Variants in ISM1 observed in about 807,000 individuals in gnomAD.
ISM1 encodes isthmin 1.
A neutral mutation model predicts 46.3 loss-of-function variants in ISM1; 25 were observed. That is an observed-to-expected ratio of 0.54 (90% confidence interval 0.39 to 0.75). The LOEUF is 0.75. Among genes scored for constraint, ISM1 ranks in the 30% least tolerant of loss-of-function variants. The probability of loss-of-function intolerance (pLI) is 0.00; values close to 1 mark genes in which losing one functional copy is unlikely to be tolerated. For missense variants in ISM1, 536 were observed against 625.4 expected, an observed-to-expected ratio of 0.86 and a Z score of 1.52; for synonymous variants, 255 against 256.7, an observed-to-expected ratio of 0.99 and a Z score of 0.06.
At chr20:13,297,208 G>A (rs2040415446) in intron 5 of ISM1, among the ~76,000 whole-genome samples, 1 of 152,172 alleles carries the variant, frequency 6.6e-6, no homozygotes, top group Admixed American at 6.5e-5. Context: ...CTGTTTTCCA[G>A]AATGCAGAAG....
rs1034942880 is a variant in ISM1, at chr20:13,298,967, G to A, written c.903G>A (p.Met301Ile). The A allele has an allele frequency of 6.2e-7, 1 of 1,613,596 alleles. No homozygotes were observed. The highest frequency in any genetic ancestry group is 1.6e-4 in the Middle Eastern group (1 of 6,062). The change falls in exon 6 of 6, where the codon ATG becomes ATA. Residue 301 changes from methionine (M) to isoleucine (I), a missense_variant. Physicochemically the swap from Met to Ile is conservative, Grantham distance 10. Coordinates refer to ENST00000262487, the MANE Select transcript of ISM1 (RefSeq NM_080826.2). ...EVDTDSCERW[M>I]SCKSEFLKKY... The stretch of plus-strand genomic sequence containing the variant: ...ACACAGACAGCTGTGAGCGCTGGAT[G>A]AGCTGCAAAAGCGAGTTCTTAAAGA...
the ISM1 span, among the ~76,000 whole-genome samples, chr20:13,323,931 C>A: frequency 6.6e-6 from 1 of 152,158 alleles, no homozygotes; most frequent in Non-Finnish European, 1.5e-5. Context: ...GAAATGCATT[C>A]TTTCTTGTGA....
intron 5 of ISM1, among the ~76,000 whole-genome samples, chr20:13,294,490 G>C (rs2123325942): frequency 6.6e-6 from 1 of 152,302 alleles, no homozygotes; most frequent in Non-Finnish European, 1.5e-5. Flanking sequence ...CCCACAGGCA[G>C]GCAGCATCTA....
the ISM1 span, among the ~76,000 whole-genome samples, chr20:13,318,563 T>C: frequency 1.3e-5 from 2 of 152,250 alleles, no homozygotes; most frequent in Non-Finnish European, 1.5e-5. Context: ...TTATTCATAA[T>C]TGACAAAACT....
chr20:13,270,730 A>G lies in ISM1; in HGVS notation c.365A>G (p.Asn122Ser), dbSNP rs748241530. 1.9e-6 allele frequency: 3 copies of G among 1,613,800 alleles called. No individual in the cohort carries two copies. The highest frequency in any genetic ancestry group is 2.5e-6 in the Non-Finnish European group (3 of 1,179,774). Residue 122 changes from asparagine (N) to serine (S), a missense_variant, in exon 2 of 6, where the codon AAT (asparagine) becomes AGT (serine). Around this residue, in one of 2 missense-constraint regions of ISM1, gnomAD observed 367 missense variants for 376.1 expected, o/e 0.98. Transcript: ENST00000262487. ...TCCAAAGCTGATATCAATGGGCAGA[A>G]TCCAAATATCCAGGTAATTCTTGGC... ...DLSKADINGQ[N>S]PNIQVTIEVV...
In ISM1 at chr20:13,279,652, G is replaced by A. The variant is rs111984910; in HGVS notation, c.397G>A (p.Asp133Asn). 4.7e-4 allele frequency: 763 copies of A among 1,613,654 alleles called. 2 individuals are homozygous for A. In the African/African-American group the frequency reaches 8.6e-3, roughly 18 times the overall value. The change falls in exon 3 of 6, where the codon GAC becomes AAC. Residue 133 changes from aspartate to asparagine, a missense_variant. Transcript: ENST00000262487. ...TCTTCAGGTCACCATAGAGGTGGTC[G>A]ACGGTCCTGACTCTGAAGCAGATAA... is the stretch of plus-strand genomic sequence containing the variant. ...PNIQVTIEVV[D>N]GPDSEADKDQ... is the part of the protein sequence containing the mutation.
At chr20:13,291,450 C>A (rs574258155) in intron 4 of ISM1, among the ~76,000 whole-genome samples, 10 of 152,160 alleles carry the variant, frequency 6.6e-5, no homozygotes, top group Non-Finnish European at 1.3e-4. Flanking sequence ...GTTTGAGGTG[C>A]CTCACATAAA....
At chr20:13,246,960 G>A (rs1394540385) in intron 1 of ISM1, among the ~76,000 whole-genome samples, 1 of 152,068 alleles carries the variant, frequency 6.6e-6, no homozygotes, top group Non-Finnish European at 1.5e-5. Context: ...ATAGTGCCGG[G>A]CCCAGTGGCT....
chr20:13,249,762 T>C (rs2039844126), intron 1 of ISM1, among the ~76,000 whole-genome samples: 1 of 151,752 alleles, frequency 6.6e-6, no homozygotes, highest in Non-Finnish European at 1.5e-5. Flanking sequence ...TTTCTCAGCC[T>C]CCATCATTTT....
chr20:13,293,131 C>A (rs150852904), intron 5 of ISM1, among the ~76,000 whole-genome samples: 126 of 147,912 alleles, frequency 8.5e-4, no homozygotes, highest in African/African-American at 3.0e-3. Flanking sequence ...ACCCAGGAGG[C>A]GGAGGTTGCA....
intron 4 of ISM1, among the ~76,000 whole-genome samples, chr20:13,291,615 G>A (rs888750068): frequency 1.3e-5 from 2 of 152,166 alleles, no homozygotes; most frequent in African/African-American, 4.8e-5. Context: ...TTGGTTAGGG[G>A]TGGTAGTTTG....
At chr20:13,274,088 T>A (rs1364946022) in intron 2 of ISM1, among the ~76,000 whole-genome samples, 2 of 151,868 alleles carry the variant, frequency 1.3e-5, no homozygotes, top group Non-Finnish European at 2.9e-5. Context: ...TATGTGTGCA[T>A]GTGCATGCAC....
At chr20:13,247,416 G>A (rs1430905231) in intron 1 of ISM1, among the ~76,000 whole-genome samples, 1 of 152,070 alleles carries the variant, frequency 6.6e-6, no homozygotes, top group Admixed American at 6.6e-5. Context: ...GAAGTTATCA[G>A]TGGCTTGCAG....
downstream of ISM1, among the ~76,000 whole-genome samples, chr20:13,303,800 G>A (rs373996965): frequency 3.9e-5 from 6 of 152,300 alleles, no homozygotes; most frequent in South Asian, 2.1e-4. Context: ...GGAGATAGTG[G>A]ATAAGTAAAT....
chr20:13,299,499 G>C lies in ISM1; in HGVS notation c.*40G>C. ...GGTGGAGGACGCTGCCTCTGGTTCT[G>C]GAGCACACACGTGCTGCACTGACGT... On this transcript the variant is annotated 3_prime_UTR_variant, in exon 6 of 6. Transcript: ENST00000262487. This position sits in a 1 kb window ranked among gnomAD's most constrained non-coding sequence, Gnocchi z 5.8. 1 of 1,559,916 alleles carries C rather than the reference G, an allele frequency of 6.4e-7. No homozygotes were observed. Among genetic ancestry groups the C allele is most frequent in the South Asian group, 1.2e-5 (1 of 85,964 alleles).
Position 13,299,161 on chromosome 20 carries a change from G to C in ISM1, c.1097G>C (p.Arg366Pro). 3.7e-6 allele frequency: 6 copies of C among 1,610,304 alleles called. No individual in the cohort carries two copies. Among genetic ancestry groups the C allele is most frequent in the Non-Finnish European group, 5.1e-6 (6 of 1,178,406 alleles). Residue 366 changes from arginine to proline, a missense_variant, in exon 6 of 6, where the codon CGG becomes CCG. Transcript: ENST00000262487. The surrounding 1 kb of genome is among the most constrained non-coding windows in gnomAD (Gnocchi z 5.8). ...EKLEIYKPTARYCIRSMLSLE... is the reference protein window; with the variant it reads ...EKLEIYKPTAPYCIRSMLSLE... ...CTGGAGATCTACAAGCCCACTGCCC[G>C]GTACTGCATCCGCTCCATGCTGTCC...
At position 13,275,611 on chromosome 20, in the gene ISM1, AT is replaced by A. The variant is rs1353865092; in HGVS notation, c.379-4021del. 3.9e-5 allele frequency among the ~76,000 whole-genome samples: 6 copies of A among 152,302 alleles called. No homozygotes were observed. In the South Asian group the frequency reaches 6.2e-4, roughly 16 times the overall value. ...GTGCCTCAGTTTCCTTGTCTATAAA[AT>A]TGGAATGACAATACTACATATGAGC... is the stretch of plus-strand genomic sequence containing the variant. On this transcript the variant is annotated intron_variant, in intron 2 of 5. Transcript: ENST00000262487.
chr20:13,250,540 A>G (rs1033623585), intron 1 of ISM1, among the ~76,000 whole-genome samples: 2 of 152,286 alleles, frequency 1.3e-5, no homozygotes, highest in Non-Finnish European at 2.9e-5. Context: ...CTTGCTGCAC[A>G]TTGGAATCGC....
chr20:13,276,070 T>C (rs2040176035), intron 2 of ISM1, among the ~76,000 whole-genome samples: 1 of 152,256 alleles, frequency 6.6e-6, no homozygotes, highest in Non-Finnish European at 1.5e-5. Context: ...CCATTTTGTG[T>C]TCTTTCCATG....
Sources: gnomAD v4.1 joint callset for allele counts (sites outside exome capture counted in the v4.1 genomes callset) on GRCh38, gnomAD v4.1.1 for gene constraint, gnomAD v4.1.1 regional missense constraint, Gnocchi (gnomAD v3.1) non-coding constraint, MANE v1.5 for transcripts, NCBI Gene and HGNC (gene_info 2026-07-23, HGNC 2026-07-21) for gene names.